Variants in RHEB observed in about 807,000 individuals in gnomAD.
RHEB encodes Ras homolog, mTORC1 binding.
In RHEB, 2 loss-of-function variants were observed where a neutral mutation model predicts 28.8. That is an observed-to-expected ratio of 0.07 (90% CI 0.03 to 0.22). The LOEUF (loss-of-function observed/expected upper bound fraction) is 0.22. Among genes scored for constraint, RHEB ranks in the 10% least tolerant of loss-of-function variants. RHEB has a pLI of 1.00. For synonymous variants in RHEB, 69 were observed against 77.3 expected (o/e 0.89, Z 0.56); for missense variants, 76 against 219.9 (o/e 0.35, Z 4.14).
rs76857464 is a variant in RHEB, at chr7:151,498,448, C to A, written c.53-7434G>T. On this transcript the variant is annotated intron_variant, in intron 1 of 7. Transcript: ENST00000262187. ...CCCGGGCAACACAGTGAGACCCCCCCAGTCTCTATAAAAAAAATACAAAAA... is the reference window on the plus strand; with the variant it reads ...CCCGGGCAACACAGTGAGACCCCCCAAGTCTCTATAAAAAAAATACAAAAA... Among the ~76,000 whole-genome samples the A allele has an allele frequency of 9.5e-3, 1,448 of 152,110 alleles. 22 individuals carry two copies. Among genetic ancestry groups the A allele is most frequent in the African/African-American group, 0.032 (1,342 of 41,490 alleles).
intron 1 of RHEB, among the ~76,000 whole-genome samples, chr7:151,491,557 G>A (rs530413957): frequency 8.6e-5 from 13 of 151,998 alleles, no homozygotes; most frequent in Non-Finnish European, 1.3e-4. Context: ...CCAACATGGC[G>A]AAATCCCGTC....
At chr7:151,506,491 T>C (rs1802882483) in intron 1 of RHEB, among the ~76,000 whole-genome samples, 1 of 152,292 alleles carries the variant, frequency 6.6e-6, no homozygotes, top group Admixed American at 6.5e-5. Context: ...GAGGATTAAA[T>C]GAAAATGTAT....
intron 1 of RHEB, chr7:151,518,219 G>C (rs1028639530): frequency 6.6e-6 from 1 of 152,196 alleles, no homozygotes; most frequent in African/African-American, 2.4e-5. Context: ...ATTTCCCCCC[G>C]GCTCTCGACG....
chr7:151,502,215 G>T (rs550654901), intron 1 of RHEB: 3 of 468,060 alleles, frequency 6.4e-6, no homozygotes, highest in Admixed American at 3.9e-5. Flanking sequence ...CAGCCTGGGC[G>T]ACAGAGCTGT....
intron 1 of RHEB, among the ~76,000 whole-genome samples, chr7:151,494,952 A>AAG (rs1802648478): frequency 6.6e-6 from 1 of 152,192 alleles, no homozygotes; most frequent in African/African-American, 2.4e-5. Context: ...GCTCATTTTC[A>AAG]AGTGTTCTCA....
intron 1 of RHEB, among the ~76,000 whole-genome samples, chr7:151,509,798 T>G (rs1273834486): frequency 6.6e-6 from 1 of 152,172 alleles, no homozygotes; most frequent in Non-Finnish European, 1.5e-5. Context: ...TCAGATGAAG[T>G]TCAAGTGTTA....
intron 2 of RHEB, among the ~76,000 whole-genome samples, chr7:151,488,169 G>A (rs6943172): frequency 0.09 from 13,636 of 152,202 alleles, 971 homozygotes; most frequent in African/African-American, 0.19. Flanking sequence ...AGTTTGTATT[G>A]AGTTGTTAGA....
intron 1 of RHEB, among the ~76,000 whole-genome samples, chr7:151,494,736 C>T (rs73729819): frequency 0.02 from 3,082 of 152,272 alleles, 89 homozygotes; most frequent in African/African-American, 0.062. Context: ...AGAAAAACTA[C>T]GTTTCCCTTG....
intron 6 of RHEB, 141 bp from the exon 7 acceptor site, chr7:151,470,793 C>A: frequency 1.7e-6 from 1 of 598,028 alleles, no homozygotes; most frequent in Non-Finnish European, 3.0e-6. Context: ...ACATTAGCAT[C>A]AAGAATGTAA....
chr7:151,486,441 T>C (rs1802474894), intron 2 of RHEB, among the ~76,000 whole-genome samples: 1 of 152,112 alleles, frequency 6.6e-6, no homozygotes, highest in Non-Finnish European at 1.5e-5. Flanking sequence ...AAAGAAGGTA[T>C]AGACACACAC....
At chr7:151,478,182 C>T (rs555138985) in intron 3 of RHEB, among the ~76,000 whole-genome samples, 4 of 152,190 alleles carry the variant, frequency 2.6e-5, no homozygotes, top group East Asian at 1.9e-4. Flanking sequence ...TTCAACAGCA[C>T]GCGCCACTGT....
At chr7:151,509,262 C>A (rs1335312067) in intron 1 of RHEB, among the ~76,000 whole-genome samples, 2 of 152,140 alleles carry the variant, frequency 1.3e-5, no homozygotes, top group South Asian at 2.1e-4. Context: ...GCCAGCAAAC[C>A]CTCAGAACCC....
At chr7:151,510,130 C>G (rs1027012291) in intron 1 of RHEB, among the ~76,000 whole-genome samples, 9 of 152,230 alleles carry the variant, frequency 5.9e-5, no homozygotes, top group Non-Finnish European at 1.3e-4. Flanking sequence ...CGACCTCTCT[C>G]ATTACTCACA....
rs1348461351 is a variant in RHEB at position 151,472,395 on chromosome 7, G to A, written c.276-790C>T. On this transcript the variant is annotated intron_variant, in intron 4 of 7. Transcript: ENST00000262187. This position sits in a 1 kb window ranked among gnomAD's most constrained non-coding sequence, Gnocchi z 5.2. ...ACCAGAGGACTCTGCTGCAGCAGAT[G>A]GACGGTGCCTGGTTCAACATCCTCT... 3.3e-5 allele frequency among the ~76,000 whole-genome samples: 5 copies of A among 152,304 alleles called. No homozygotes were observed. Among genetic ancestry groups the A allele is most frequent in the East Asian group, 3.9e-4 (2 of 5,188 alleles).
At chr7:151,484,046 T>G (rs55953111) in intron 3 of RHEB, among the ~76,000 whole-genome samples, 286 of 152,246 alleles carry the variant, frequency 1.9e-3, no homozygotes, top group African/African-American at 6.4e-3. Flanking sequence ...AATCTAGTAA[T>G]CACTCTCAAA....
intron 1 of RHEB, among the ~76,000 whole-genome samples, chr7:151,507,161 A>G (rs1418591113): frequency 6.6e-6 from 1 of 152,216 alleles, no homozygotes; most frequent in Non-Finnish European, 1.5e-5. Context: ...CCTGGCTTAT[A>G]AATGGAATGA....
At chr7:151,485,393 A>G (rs1802452906) in intron 2 of RHEB, among the ~76,000 whole-genome samples, 1 of 152,250 alleles carries the variant, frequency 6.6e-6, no homozygotes, top group African/African-American at 2.4e-5. Flanking sequence ...AAAGAAAATC[A>G]GACTTGAATA....
intron 1 of RHEB, among the ~76,000 whole-genome samples, chr7:151,509,271 C>G (rs1266217377): frequency 6.6e-6 from 1 of 152,172 alleles, no homozygotes; most frequent in East Asian, 1.9e-4. Flanking sequence ...CCCTCAGAAC[C>G]CTACTTGTAG....
chr7:151,514,315 C>T (rs1803039195), intron 1 of RHEB, among the ~76,000 whole-genome samples: 1 of 152,032 alleles, frequency 6.6e-6, no homozygotes, highest in Non-Finnish European at 1.5e-5. Flanking sequence ...TTGGATTAGG[C>T]AATGGCTTCT....
Sources: allele counts gnomAD v4.1 joint callset (sites outside exome capture counted in the v4.1 genomes callset), GRCh38; gene constraint gnomAD v4.1.1; non-coding constraint Gnocchi (gnomAD v3.1); transcripts MANE v1.5; gene names NCBI Gene and HGNC (gene_info 2026-07-23, HGNC 2026-07-21).